PTPRD: variants seen among roughly 807,000 people sequenced by gnomAD.
PTPRD encodes the protein protein tyrosine phosphatase receptor type D, also known as receptor-type tyrosine-protein phosphatase delta.
In PTPRD, 34 loss-of-function variants were observed where a neutral mutation model predicts 214.5. That is an observed-to-expected ratio of 0.16 (90% CI 0.12 to 0.21). PTPRD has a LOEUF of 0.21. Among genes scored for constraint, PTPRD ranks in the 10% least tolerant of loss-of-function variants. PTPRD has a pLI of 1.00. For synonymous variants in PTPRD, 1,128 were observed against 845.7 expected (o/e 1.33, Z -5.79); for missense variants, 2,545 against 2,398.7 (o/e 1.06, Z -1.27).
intron 5 of PTPRD, among the ~76,000 whole-genome samples, chr9:9,812,174 A>T (rs1271414519): frequency 6.6e-6 from 1 of 152,168 alleles, no homozygotes; most frequent in Non-Finnish European, 1.5e-5. Flanking sequence ...CACTTCATAG[A>T]CCACAGTATA....
At chr9:9,410,787 T>C (rs774854042) in intron 8 of PTPRD, among the ~76,000 whole-genome samples, 2 of 152,164 alleles carry the variant, frequency 1.3e-5, no homozygotes, top group Non-Finnish European at 2.9e-5. Context: ...ATATTAAAAC[T>C]ATTATTGCCA....
intron 11 of PTPRD, among the ~76,000 whole-genome samples, chr9:8,858,838 C>CAT (rs761199573): frequency 1.4e-3 from 184 of 132,820 alleles, no homozygotes; most frequent in African/African-American, 4.8e-3. Flanking sequence ...CATACACACA[C>CAT]ACAGACACAC....
intron 14 of PTPRD, among the ~76,000 whole-genome samples, chr9:8,612,692 T>C (rs144331987): frequency 1.7e-4 from 26 of 152,348 alleles, no homozygotes; most frequent in Admixed American, 3.9e-4. Flanking sequence ...TGGAGGGATG[T>C]TCACTGAGGT....
chr9:9,885,280 G>A (rs1366416840), intron 5 of PTPRD, among the ~76,000 whole-genome samples: 1 of 151,990 alleles, frequency 6.6e-6, no homozygotes, highest in Non-Finnish European at 1.5e-5. Context: ...CTTTCAACAA[G>A]CAAAAGTTTC....
intron 10 of PTPRD, among the ~76,000 whole-genome samples, chr9:9,021,364 T>C (rs1376410588): frequency 6.6e-6 from 1 of 152,214 alleles, no homozygotes; most frequent in Middle Eastern, 3.2e-3. Context: ...TTATGTATGG[T>C]ACATCATATT....
rs967725701 is a variant in PTPRD, at chr9:10,125,475, G to C, written c.-544-91685C>G. Among the ~76,000 whole-genome samples, 6 of 96,852 alleles carry C rather than the reference G, an allele frequency of 6.2e-5. No homozygotes were observed. In the East Asian group the frequency reaches 1.4e-3, roughly 22 times the overall value. The allele number at this position is 96,852 out of a possible 152,430, so 63.5% of individuals were successfully genotyped here. A position where few individuals can be genotyped will look rare whatever the true frequency, so the allele number is the denominator to read the frequency against. On this transcript the variant is annotated intron_variant, in intron 3 of 45. Coordinates refer to ENST00000381196, the MANE Select transcript of PTPRD (RefSeq NM_002839.4). The stretch of plus-strand genomic sequence containing the variant: ...ATTATTATTATTATTATTATTTTGA[G>C]ACAGCGTCTTGCTCTGTTCCCCAGG...
At chr9:10,358,160 C>T (rs1177168227) in intron 2 of PTPRD, among the ~76,000 whole-genome samples, 1 of 151,966 alleles carries the variant, frequency 6.6e-6, no homozygotes, top group Non-Finnish European at 1.5e-5. Context: ...CAAATATGTA[C>T]ATATATTATG....
intron 8 of PTPRD, among the ~76,000 whole-genome samples, chr9:9,465,308 T>C (rs2094044299): frequency 6.6e-6 from 1 of 152,104 alleles, no homozygotes; most frequent in African/African-American, 2.4e-5. Context: ...ATAAAACAAA[T>C]AACAAATACT....
chr9:9,965,337 G>A (rs2094610119), intron 4 of PTPRD, among the ~76,000 whole-genome samples: 1 of 152,154 alleles, frequency 6.6e-6, no homozygotes, highest in South Asian at 2.1e-4. Flanking sequence ...TGAGTTGGGT[G>A]TTAATGAGAG....
intron 11 of PTPRD, among the ~76,000 whole-genome samples, chr9:8,744,781 C>T (rs550422015): frequency 6.6e-6 from 1 of 152,302 alleles, no homozygotes; most frequent in Admixed American, 6.5e-5. Context: ...CCATCTGTTC[C>T]TCAAAAACCT....
intron 11 of PTPRD, among the ~76,000 whole-genome samples, chr9:8,925,855 A>AAT (rs1491587732): frequency 1.1e-5 from 1 of 89,610 alleles, no homozygotes; most frequent in Non-Finnish European, 2.3e-5. Flanking sequence ...GGACTATTGC[A>AAT]ATATTTTTTT....
chr9:8,556,695 G>A (rs577616335), intron 14 of PTPRD, among the ~76,000 whole-genome samples: 142 of 152,214 alleles, frequency 9.3e-4, no homozygotes, highest in African/African-American at 2.6e-3. Flanking sequence ...TATGCACTTA[G>A]TTACATATGC....
chr9:9,029,519 T>A (rs1174486915), intron 10 of PTPRD, among the ~76,000 whole-genome samples: 1 of 151,880 alleles, frequency 6.6e-6, no homozygotes, highest in African/African-American at 2.4e-5. Context: ...TTTTAAATTG[T>A]TCCTAGTGCC....
chr9:8,571,417 G>C (rs2091110222), intron 14 of PTPRD, among the ~76,000 whole-genome samples: 1 of 151,968 alleles, frequency 6.6e-6, no homozygotes, highest in African/African-American at 2.4e-5. Flanking sequence ...CAAAAACAAA[G>C]ACCAGTAACT....
chr9:8,563,364 A>G (rs764570136), intron 14 of PTPRD, among the ~76,000 whole-genome samples: 6 of 152,108 alleles, frequency 3.9e-5, no homozygotes, highest in Non-Finnish European at 8.8e-5. Flanking sequence ...TTGTATCTCA[A>G]TAAGTATCTA....
intron 39 of PTPRD, among the ~76,000 whole-genome samples, chr9:8,346,219 A>T (rs10815827): frequency 0.49 from 74,278 of 151,974 alleles, 21,234 homozygotes; most frequent in Non-Finnish European, 0.65. Context: ...CTCCACGATT[A>T]TCTTCAACTC....
chr9:8,848,130 G>A (rs2097735865), intron 11 of PTPRD, among the ~76,000 whole-genome samples: 1 of 151,780 alleles, frequency 6.6e-6, no homozygotes, highest in Non-Finnish European at 1.5e-5. Flanking sequence ...TGTATCACTG[G>A]CAGAATAGGA....
intron 14 of PTPRD, among the ~76,000 whole-genome samples, chr9:8,604,128 T>C (rs1314506698): frequency 6.6e-6 from 1 of 152,168 alleles, no homozygotes; most frequent in East Asian, 1.9e-4. Flanking sequence ...AGTACTGTTG[T>C]TGTAAAGTAA....
At chr9:10,320,810 C>T (rs2096539869) in intron 3 of PTPRD, among the ~76,000 whole-genome samples, 1 of 151,986 alleles carries the variant, frequency 6.6e-6, no homozygotes, top group Non-Finnish European at 1.5e-5. Flanking sequence ...TCACTGCAAC[C>T]TCTGCCTTCT....
Sources: gnomAD v4.1 joint callset for allele counts (sites outside exome capture counted in the v4.1 genomes callset) on GRCh38, gnomAD v4.1.1 for gene constraint, MANE v1.5 for transcripts, NCBI Gene and HGNC (gene_info 2026-07-23, HGNC 2026-07-21) for gene names.